The following SEMA3A variants were observed in gnomAD, a reference collection of about 807,000 sequenced individuals.
SEMA3A encodes the protein semaphorin 3A.
A neutral mutation model predicts 97.9 loss-of-function variants in SEMA3A; 29 were observed. That is an observed-to-expected ratio of 0.30 (90% confidence interval 0.22 to 0.40). The LOEUF (loss-of-function observed/expected upper bound fraction) is 0.40, where lower values mean the gene tolerates loss of function less well. SEMA3A is among the 10% of genes least tolerant of loss of function. The pLI is 1.00. For synonymous variants in SEMA3A, 321 were observed against 323.7 expected, an observed-to-expected ratio of 0.99 and a Z score of 0.09; for missense variants, 763 against 951.3, an observed-to-expected ratio of 0.80 and a Z score of 2.60.
intron 1 of SEMA3A, among the ~76,000 whole-genome samples, chr7:84,462,589 G>T (rs1805873979): frequency 2.0e-5 from 3 of 152,062 alleles, no homozygotes; most frequent in Admixed American, 2.0e-4. Flanking sequence ...CTCACAGTCT[G>T]GCACTCTTAA....
At chr7:84,487,906 A>C (rs1806616928) in intron 1 of SEMA3A, among the ~76,000 whole-genome samples, 1 of 152,102 alleles carries the variant, frequency 6.6e-6, no homozygotes, top group Non-Finnish European at 1.5e-5. Context: ...ATTTCTACCT[A>C]CTCTTTTGTA....
At chr7:84,143,126 C>T (rs1796346077) in intron 1 of SEMA3A, among the ~76,000 whole-genome samples, 1 of 152,136 alleles carries the variant, frequency 6.6e-6, no homozygotes, top group Non-Finnish European at 1.5e-5. Context: ...CATCTTCTTA[C>T]AGAACTTCCT....
At chr7:84,100,476 A>AC (rs1300197672) in intron 4 of SEMA3A, among the ~76,000 whole-genome samples, 15 of 152,160 alleles carry the variant, frequency 9.9e-5, no homozygotes. Flanking sequence ...GAGAGTAGCT[A>AC]CCTCATCAGA....
At chr7:84,341,923 C>T (rs1377096764) in intron 2 of SEMA3A, among the ~76,000 whole-genome samples, 1 of 152,136 alleles carries the variant, frequency 6.6e-6, no homozygotes, top group African/African-American at 2.4e-5. Context: ...AGAATCTTTA[C>T]CCACCCTGCC....
chr7:84,162,974 G>A (rs1017949047), intron 1 of SEMA3A, among the ~76,000 whole-genome samples: 1 of 152,130 alleles, frequency 6.6e-6, no homozygotes, highest in African/African-American at 2.4e-5. Context: ...CTTGCATTAG[G>A]AATTGCATAC....
Position 84,477,986 on chromosome 7 carries a change from A to G in SEMA3A, c.-246+14474T>C, listed in dbSNP as rs182072492. Among the ~76,000 whole-genome samples the G allele has an allele frequency of 5.3e-5, 8 of 152,300 alleles. No individual in the cohort carries two copies. The East Asian group carries it at 1.5e-3, about 29-fold the overall frequency. ...TATGTTAGGTAACTGTAAAATTCCA[A>G]ATGAACAGCTAAGCAGCCTGGTGTT... is the stretch of plus-strand genomic sequence containing the variant. On this transcript the variant is annotated intron_variant, in intron 1 of 3. Transcript: ENST00000424555.
intron 1 of SEMA3A, among the ~76,000 whole-genome samples, chr7:84,429,237 C>T (rs1397772757): frequency 6.6e-6 from 1 of 151,664 alleles, no homozygotes; most frequent in African/African-American, 2.4e-5. Context: ...AATATATCTG[C>T]TTGATACTAC....
chr7:84,416,415 G>A (rs538952311), intron 1 of SEMA3A, among the ~76,000 whole-genome samples: 1 of 152,066 alleles, frequency 6.6e-6, no homozygotes, highest in East Asian at 1.9e-4. Context: ...CCTAGTCTCA[G>A]GTATGTGTTT....
rs535486545 is a variant in SEMA3A, at chr7:83,963,266, T to A, written c.1799A>T (p.Lys600Met). 156 of 1,613,708 alleles carry A rather than the reference T, an allele frequency of 9.7e-5. No homozygotes were observed. Among genetic ancestry groups the A allele is most frequent in the Non-Finnish European group, 1.2e-4 (139 of 1,180,012 alleles). The stretch of plus-strand genomic sequence containing the variant: ...CCAATAGACCAGCGCTCTCTGCGAC[T>A]TCGGACTGCATTCCAAAAATGTGCT... ...NSSTFLECSP[K>M]SQRALVYWQF... The change falls in exon 16 of 17, where the codon AAG (lysine) becomes ATG (methionine). Residue 600 changes from lysine (K) to methionine (M), a missense_variant. Physicochemically the swap from Lys to Met is moderately conservative, Grantham distance 95 (BLOSUM62 -1). Around this residue, in one of 2 missense-constraint regions of SEMA3A, gnomAD observed 678 missense variants for 881.3 expected, o/e 0.77. Coordinates refer to ENST00000265362, the MANE Select transcript of SEMA3A (RefSeq NM_006080.3).
At chr7:84,002,147 T>C (rs1790481160) in intron 11 of SEMA3A, 101 bp from the exon 12 acceptor site, 6 of 629,916 alleles carry the variant, frequency 9.5e-6, no homozygotes, top group Non-Finnish European at 1.6e-5. Context: ...GAACCTTTGA[T>C]ATCGGTCTTC....
intron 2 of SEMA3A, among the ~76,000 whole-genome samples, chr7:84,310,578 C>T (rs1374120133): frequency 6.6e-6 from 1 of 151,924 alleles, no homozygotes; most frequent in East Asian, 1.9e-4. Context: ...CTGGTGTTCT[C>T]CTGGAAATTC....
intron 3 of SEMA3A, among the ~76,000 whole-genome samples, chr7:84,206,726 C>T (rs1370796016): frequency 6.6e-6 from 1 of 151,946 alleles, no homozygotes; most frequent in Non-Finnish European, 1.5e-5. Flanking sequence ...TCAGGTGATC[C>T]AACCAGCCCA....
intron 3 of SEMA3A, among the ~76,000 whole-genome samples, chr7:84,113,516 T>C (rs1339367900): frequency 6.6e-6 from 1 of 152,184 alleles, no homozygotes; most frequent in Non-Finnish European, 1.5e-5. Context: ...GACCTTTTCT[T>C]GAACCATGAC....
At chr7:84,275,593 G>A (rs571769413) in intron 3 of SEMA3A, among the ~76,000 whole-genome samples, 1 of 151,842 alleles carries the variant, frequency 6.6e-6, no homozygotes, top group African/African-American at 2.4e-5. Flanking sequence ...TTGATCTAGG[G>A]TGCAGCCAGG....
chr7:84,083,367 C>T (rs1794225671), intron 4 of SEMA3A, among the ~76,000 whole-genome samples: 1 of 151,626 alleles, frequency 6.6e-6, no homozygotes, highest in African/African-American at 2.4e-5. Flanking sequence ...TGTTTTGATG[C>T]AAGTACACAA....
intron 1 of SEMA3A, among the ~76,000 whole-genome samples, chr7:84,406,920 T>C (rs1260094888): frequency 6.6e-6 from 1 of 152,160 alleles, no homozygotes; most frequent in Non-Finnish European, 1.5e-5. Context: ...AAGAGTTATC[T>C]ATGACAAAAC....
chr7:84,490,691 C>A (rs1806701820), intron 1 of SEMA3A, among the ~76,000 whole-genome samples: 1 of 152,142 alleles, frequency 6.6e-6, no homozygotes, highest in African/African-American at 2.4e-5. Flanking sequence ...ATTTTTATTA[C>A]ACTTTGAAAA....
At chr7:84,222,501 T>C (rs1798903364) in intron 3 of SEMA3A, among the ~76,000 whole-genome samples, 1 of 151,868 alleles carries the variant, frequency 6.6e-6, no homozygotes, top group Non-Finnish European at 1.5e-5. Flanking sequence ...ACATTTAAAA[T>C]TTCATATTTC....
At chr7:83,991,145 C>T (rs1789908003) in intron 12 of SEMA3A, among the ~76,000 whole-genome samples, 1 of 150,402 alleles carries the variant, frequency 6.6e-6, no homozygotes, top group South Asian at 2.2e-4. Context: ...TATAAGAACG[C>T]TTGTGATTTT....
Sources: allele counts gnomAD v4.1 joint callset (sites outside exome capture counted in the v4.1 genomes callset), GRCh38; gene constraint gnomAD v4.1.1; regional missense constraint gnomAD v4.1.1; transcripts MANE v1.5; gene names NCBI Gene and HGNC (gene_info 2026-07-23, HGNC 2026-07-21).